Variants in LRRC8E observed in about 807,000 individuals in gnomAD.
The protein encoded by LRRC8E is leucine rich repeat containing 8 VRAC subunit E, also known as volume-regulated anion channel subunit LRRC8E.
In LRRC8E, 6 loss-of-function variants were observed where a neutral mutation model predicts 6.1. That is an observed-to-expected ratio of 0.98 (90% CI 0.54 to 1.93). LRRC8E has a LOEUF of 1.93. Among genes scored for constraint, LRRC8E ranks in the 30% most tolerant of loss-of-function variants. The pLI is 0.01. For missense variants in LRRC8E, 1,028 were observed against 1,031.4 expected, an observed-to-expected ratio of 1.00 and a Z score of 0.04; for synonymous variants, 485 against 472.8, an observed-to-expected ratio of 1.03 and a Z score of -0.33.
At chr19:7,891,414 C>T (rs1173514237) in intron 1 of LRRC8E, among the ~76,000 whole-genome samples, 3 of 152,032 alleles carry the variant, frequency 2.0e-5, no homozygotes, top group Non-Finnish European at 4.4e-5. Flanking sequence ...CTGTGGCTGC[C>T]CCCCGGTCCC....
chr19:7,896,927 GAA>G (rs1981627330), intron 2 of LRRC8E, among the ~76,000 whole-genome samples: 1 of 152,084 alleles, frequency 6.6e-6, no homozygotes, highest in Non-Finnish European at 1.5e-5. Flanking sequence ...TTTATCCCTA[GAA>G]TCTGGAAAGG....
chr19:7,896,809 T>G (rs794461), intron 2 of LRRC8E, among the ~76,000 whole-genome samples: 58,423 of 151,714 alleles, frequency 0.39, 11,467 homozygotes, highest in East Asian at 0.56. Context: ...TGCCCAGGCT[T>G]GTCTCGGACT....
In LRRC8E at chr19:7,899,661, G is replaced by T. The variant is rs760389916; in HGVS notation, c.1139G>T (p.Arg380Leu). Residue 380 changes from arginine to leucine, a missense_variant, in exon 3 of 3, where the codon CGC (arginine) becomes CTC (leucine). Arg to Leu is a moderately radical substitution (Grantham distance 102). Coordinates refer to ENST00000306708, the MANE Select transcript of LRRC8E (RefSeq NM_025061.6). ...IDQYDSLYSK[R>L]FAVFLSEVSE... ...CAGTACGACTCCCTCTACTCCAAGC[G>T]CTTCGCCGTCTTCCTGTCCGAGGTC... The T allele has an allele frequency of 6.2e-7, 1 of 1,613,684 alleles. No individual in the cohort carries two copies. Among genetic ancestry groups the T allele is most frequent in the Non-Finnish European group, 8.5e-7 (1 of 1,180,034 alleles).
chr19:7,895,433 A>G lies in LRRC8E; in HGVS notation c.-5-166A>G, dbSNP rs1368348546. 4 of 783,220 alleles carry G rather than the reference A, an allele frequency of 5.1e-6. No individual in the cohort carries two copies. The highest frequency in any genetic ancestry group is 3.3e-4 in the Middle Eastern group (1 of 3,020). The allele number at this position is 783,220 out of a possible 1,614,324, so 48.5% of individuals were successfully genotyped here. On this transcript the variant is annotated intron_variant, in intron 1 of 2. Coordinates refer to ENST00000306708, the MANE Select transcript of LRRC8E (RefSeq NM_025061.6). This position sits in a 1 kb window ranked among gnomAD's most constrained non-coding sequence, Gnocchi z 4.7. ...GGTGACGTCTGCATGGAGGGTGACTAAGGCCAGGCTAAGAGGGAAGTGGGG... is the reference window on the plus strand; with the variant it reads ...GGTGACGTCTGCATGGAGGGTGACTGAGGCCAGGCTAAGAGGGAAGTGGGG...
At position 7,900,719 on chromosome 19, in the gene LRRC8E, C is replaced by CA; in HGVS notation, c.2198dup (p.Leu734AlafsTer73). On this transcript the variant is annotated frameshift_variant, in exon 3 of 3. Transcript: ENST00000306708. LOFTEE classifies it low-confidence loss of function (END_TRUNC). This position sits in a 1 kb window ranked among gnomAD's most constrained non-coding sequence, Gnocchi z 5.0. ...GCGGACGTTGCTTCTGGGCGACAAC[C>CA]AGCTGAGCCAGCTCTCGCCCCACGT... 6.2e-7 allele frequency: 1 copy of CA among 1,613,200 alleles called. No homozygotes were observed. The highest frequency in any genetic ancestry group is 8.5e-7 in the Non-Finnish European group (1 of 1,179,934).
At position 7,900,050 on chromosome 19, in the gene LRRC8E, G is replaced by A; in HGVS notation, c.1528G>A (p.Glu510Lys). 6.2e-7 allele frequency: 1 copy of A among 1,611,122 alleles called. No individual in the cohort carries two copies. Among genetic ancestry groups the A allele is most frequent in the Non-Finnish European group, 8.5e-7 (1 of 1,179,530 alleles). The part of the protein sequence containing the change: ...PLWVFGLRGL[E>K]ELHLEGLFPQ... Reference sequence around the variant, plus strand: ...TTGGGTGTTTGGGCTGCGGGGCTTGGAGGAGCTGCACCTGGAGGGGCTTTT... The same window carrying A: ...TTGGGTGTTTGGGCTGCGGGGCTTGAAGGAGCTGCACCTGGAGGGGCTTTT... The change falls in exon 3 of 3, where the codon GAG (glutamate) becomes AAG (lysine). Residue 510 changes from glutamate (E) to lysine (K), a missense_variant. Transcript: ENST00000306708. The surrounding 1 kb of genome is among the most constrained non-coding windows in gnomAD (Gnocchi z 5.0).
rs1331129952 is a variant in LRRC8E at position 7,899,788 on chromosome 19, C to T, written c.1266C>T (p.Ala422=). The change falls in exon 3 of 3, where the codon GCC becomes GCT. Residue 422 remains alanine, a synonymous_variant. Transcript: ENST00000306708. ...ATGCCGCGGGCCGGCTGGAGCTGGCCCTCTGCATGCTGCCGGGTCTGCCCG... is the reference window on the plus strand; with the variant it reads ...ATGCCGCGGGCCGGCTGGAGCTGGCTCTCTGCATGCTGCCGGGTCTGCCCG... ...QRNAAGRLEL[A]LCMLPGLPDT... 6.2e-7 allele frequency: 1 copy of T among 1,609,338 alleles called. No homozygotes were observed. The highest frequency in any genetic ancestry group is 8.5e-7 in the Non-Finnish European group (1 of 1,179,998).
Position 7,899,762 on chromosome 19 carries a change from A to G in LRRC8E, c.1240A>G (p.Asn414Asp), listed in dbSNP as rs996573166. ...PEKLRQKLQR[N>D]AAGRLELALC... Reference sequence around the variant, plus strand: ...GAAGCTTCGACAGAAGCTGCAGCGCAATGCCGCGGGCCGGCTGGAGCTGGC... The same window carrying G: ...GAAGCTTCGACAGAAGCTGCAGCGCGATGCCGCGGGCCGGCTGGAGCTGGC... Residue 414 changes from asparagine (N) to aspartate (D), a missense_variant, in exon 3 of 3, where the codon AAT becomes GAT. Asn to Asp is a conservative substitution (Grantham distance 23). Coordinates refer to ENST00000306708, the MANE Select transcript of LRRC8E (RefSeq NM_025061.6). 2.5e-6 allele frequency: 4 copies of G among 1,611,232 alleles called. No homozygotes were observed. In the African/African-American group the frequency reaches 5.3e-5, roughly 22 times the overall value.
At position 7,897,954 on chromosome 19, in the gene LRRC8E, T is replaced by C. The variant is rs541425877; in HGVS notation, c.139-707T>C. ...TGTCAGTTGTGGTGGCTCATTCCTG[T>C]AATCCCAGCACTTTGGGAAGCTGAG... On this transcript the variant is annotated intron_variant, in intron 2 of 2. Transcript: ENST00000306708. Among the ~76,000 whole-genome samples the C allele has an allele frequency of 2.0e-5, 3 of 152,246 alleles. No individual in the cohort carries two copies. In the East Asian group the frequency reaches 5.8e-4, roughly 29 times the overall value.
rs1981742812 is a variant in LRRC8E at position 7,898,735 on chromosome 19, A to G, written c.213A>G (p.Gln71=). The change falls in exon 3 of 3, where the codon CAA becomes CAG. Residue 71 remains glutamine, a synonymous_variant. Transcript: ENST00000306708. The part of the protein sequence containing the change: ...QENLSEAPCQ[Q]LLPRGIPEQI... ...ACTTATCAGAGGCCCCGTGCCAGCA[A>G]TTGCTGCCTCGGGGGATCCCTGAGC... is the stretch of plus-strand genomic sequence containing the variant. The G allele has an allele frequency of 1.2e-6, 2 of 1,613,982 alleles. No individual in the cohort carries two copies. Among genetic ancestry groups the G allele is most frequent in the African/African-American group, 1.3e-5 (1 of 75,040 alleles).
Position 7,895,482 on chromosome 19 carries a change from A to G in LRRC8E, c.-5-117A>G. The G allele has an allele frequency of 1.5e-6, 2 of 1,309,890 alleles. No homozygotes were observed. Among genetic ancestry groups the G allele is most frequent in the Non-Finnish European group, 1.1e-6 (1 of 934,682 alleles). The allele number at this position is 1,309,890 out of a possible 1,614,324, so 81.1% of individuals were successfully genotyped here. ...GGGCACACACTTTGGTGGTTTGGAC[A>G]AGTTTGGGCAGGGAGGGTCACAGGC... On this transcript the variant is annotated intron_variant, in intron 1 of 2. Transcript: ENST00000306708. The surrounding 1 kb of genome is among the most constrained non-coding windows in gnomAD (Gnocchi z 4.7).
chr19:7,900,775 G>A lies in LRRC8E; in HGVS notation c.2253G>A (p.Glu751=). The stretch of plus-strand genomic sequence containing the variant: ...CCCTCAGAGCCCTCAGCCGCCTGGA[G>A]CTCAAAGGCAACCGCTTAGAGGCGC... ...VGALRALSRL[E]LKGNRLEALP... The change falls in exon 3 of 3, where the codon GAG becomes GAA. Residue 751 remains glutamate, a synonymous_variant. Coordinates refer to ENST00000306708, the MANE Select transcript of LRRC8E (RefSeq NM_025061.6). This position sits in a 1 kb window ranked among gnomAD's most constrained non-coding sequence, Gnocchi z 5.0. 6 of 1,610,112 alleles carry A rather than the reference G, an allele frequency of 3.7e-6. No homozygotes were observed. The highest frequency in any genetic ancestry group is 5.1e-6 in the Non-Finnish European group (6 of 1,177,964).
chr19:7,893,428 C>G (rs1981417815), intron 1 of LRRC8E, among the ~76,000 whole-genome samples: 1 of 151,862 alleles, frequency 6.6e-6, no homozygotes, highest in Non-Finnish European at 1.5e-5. Context: ...TTGCTTAGGG[C>G]AGGGAGTGTG....
Position 7,889,085 on chromosome 19 carries a change from G to C in LRRC8E, c.-6+485G>C, listed in dbSNP as rs565357090. On this transcript the variant is annotated intron_variant, in intron 1 of 2. Coordinates refer to ENST00000306708, the MANE Select transcript of LRRC8E (RefSeq NM_025061.6). ...CTCGGCTGGGAATCCGCAGGCCTGGGGCCTGACCCAGGACGGGCTACAAAG... is the reference window on the plus strand; with the variant it reads ...CTCGGCTGGGAATCCGCAGGCCTGGCGCCTGACCCAGGACGGGCTACAAAG... Among the ~76,000 whole-genome samples, 21 of 152,182 alleles carry C rather than the reference G, an allele frequency of 1.4e-4. No individual in the cohort carries two copies. The South Asian group carries it at 2.7e-3, about 20-fold the overall frequency.
rs968599120 is a variant in LRRC8E, at chr19:7,900,023, C to T, written c.1501C>T (p.Leu501Phe). ...ATGCGAGGAGCTCCGCGAGGTGCCG[C>T]TTTGGGTGTTTGGGCTGCGGGGCTT... ...VKCEELREVP[L>F]WVFGLRGLEE... The change falls in exon 3 of 3, where the codon CTT becomes TTT. Residue 501 changes from leucine to phenylalanine, a missense_variant. Physicochemically the swap from Leu to Phe is conservative, Grantham distance 22 (BLOSUM62 0). Coordinates refer to ENST00000306708, the MANE Select transcript of LRRC8E (RefSeq NM_025061.6). This position sits in a 1 kb window ranked among gnomAD's most constrained non-coding sequence, Gnocchi z 5.0. The T allele has an allele frequency of 3.1e-6, 5 of 1,610,632 alleles. No homozygotes were observed. Among genetic ancestry groups the T allele is most frequent in the Non-Finnish European group, 4.2e-6 (5 of 1,179,464 alleles).
chr19:7,898,258 T>C (rs1046174438), intron 2 of LRRC8E, among the ~76,000 whole-genome samples: 1 of 150,404 alleles, frequency 6.6e-6, no homozygotes, highest in African/African-American at 2.4e-5. Context: ...AGCAAAACTC[T>C]TCCAAAATCA....
Position 7,900,632 on chromosome 19 carries a change from C to T in LRRC8E, c.2110C>T (p.Leu704=), listed in dbSNP as rs1981946461. The T allele has an allele frequency of 1.2e-6, 2 of 1,613,444 alleles. No homozygotes were observed. Among genetic ancestry groups the T allele is most frequent in the Non-Finnish European group, 1.7e-6 (2 of 1,180,050 alleles). The change falls in exon 3 of 3, where the codon CTG becomes TTG. Residue 704 remains leucine, a synonymous_variant. Coordinates refer to ENST00000306708, the MANE Select transcript of LRRC8E (RefSeq NM_025061.6). The surrounding 1 kb of genome is among the most constrained non-coding windows in gnomAD (Gnocchi z 5.0). The part of the protein sequence containing the change: ...EVGLLQNLQH[L]ALSYNALEAL... ...GGGCCTCCTGCAGAACCTACAGCAC[C>T]TGGCCCTCTCCTACAATGCCCTGGA... is the stretch of plus-strand genomic sequence containing the variant.
chr19:7,895,865 C>CT lies in LRRC8E; in HGVS notation c.138+124_138+125insT. ...TGAAGACAGAGCCCCACTCAAAGGC[C>CT]AATCCAGACCCCTTATCTTCCTTAC... On this transcript the variant is annotated intron_variant, in intron 2 of 2. Coordinates refer to ENST00000306708, the MANE Select transcript of LRRC8E (RefSeq NM_025061.6). This position sits in a 1 kb window ranked among gnomAD's most constrained non-coding sequence, Gnocchi z 4.7. The CT allele has an allele frequency of 8.4e-7, 1 of 1,190,904 alleles. No homozygotes were observed. The highest frequency in any genetic ancestry group is 1.2e-6 in the Non-Finnish European group (1 of 849,980). 73.8% of individuals were successfully genotyped at this position (1,190,904 alleles called of 1,614,324 possible). A position where few individuals can be genotyped will look rare whatever the true frequency, so the allele number is the denominator to read the frequency against.
rs1981896754 is a variant in LRRC8E, at chr19:7,900,141, T to C, written c.1619T>C (p.Leu540Ser). 1.2e-6 allele frequency: 2 copies of C among 1,612,940 alleles called. No individual in the cohort carries two copies. The highest frequency in any genetic ancestry group is 1.7e-6 in the Non-Finnish European group (2 of 1,179,982). ...CGGGAGCTGAAGCAGCTCAAGGTGT[T>C]GTCCCTCCGGAGCAACGCCGGGAAG... is the stretch of plus-strand genomic sequence containing the variant. ...SLRELKQLKVLSLRSNAGKVP... is the reference protein window; with the variant it reads ...SLRELKQLKVSSLRSNAGKVP... Residue 540 changes from leucine to serine, a missense_variant, in exon 3 of 3, where the codon TTG becomes TCG. Coordinates refer to ENST00000306708, the MANE Select transcript of LRRC8E (RefSeq NM_025061.6). This position sits in a 1 kb window ranked among gnomAD's most constrained non-coding sequence, Gnocchi z 5.0.
Sources: gnomAD v4.1 joint callset for allele counts (sites outside exome capture counted in the v4.1 genomes callset) on GRCh38, gnomAD v4.1.1 for gene constraint, Gnocchi (gnomAD v3.1) non-coding constraint, MANE v1.5 for transcripts, NCBI Gene and HGNC (gene_info 2026-07-23, HGNC 2026-07-21) for gene names.